The following NAA25 variants were observed in gnomAD, a reference collection of about 807,000 sequenced individuals.
The protein encoded by NAA25 is N-terminal acetyltransferase B complex subunit NAA25.
Under a neutral mutation model 132.5 loss-of-function variants are expected in NAA25, and 30 were observed. The ratio of observed to expected loss-of-function variants is 0.23; its 90% CI spans 0.17 to 0.31. The LOEUF is 0.31. NAA25 is among the 10% of genes least tolerant of loss of function. The pLI is 1.00. For synonymous variants in NAA25, 359 were observed against 401.9 expected (o/e 0.89, Z 1.28); for missense variants, 771 against 1,150.4 (o/e 0.67, Z 4.77).
Position 112,086,594 on chromosome 12 carries a change from A to T in NAA25, c.402+1089T>A, listed in dbSNP as rs77529687. ...AAGAAAGAGTTTATATTAATATAGT[A>T]TCTGCCACCCTGCCCAAATTATCTA... On this transcript the variant is annotated intron_variant, in intron 4 of 23. Transcript: ENST00000261745. 3.8e-3 allele frequency among the ~76,000 whole-genome samples: 579 copies of T among 152,344 alleles called. 5 individuals carry two copies. The highest frequency in any genetic ancestry group is 0.014 in the African/African-American group (562 of 41,586).
chr12:112,052,514 T>C (rs1484004093), intron 15 of NAA25, among the ~76,000 whole-genome samples: 1 of 152,180 alleles, frequency 6.6e-6, no homozygotes, highest in East Asian at 1.9e-4. Context: ...CTTAGAGCTG[T>C]CCTTTGCTAC....
intron 1 of NAA25, among the ~76,000 whole-genome samples, chr12:112,098,763 CTCTT>C (rs1303349732): frequency 2.8e-4 from 42 of 152,198 alleles, no homozygotes; most frequent in East Asian, 1.5e-3. Flanking sequence ...AAAAGTCAAT[CTCTT>C]TCTTTCTTTT....
At chr12:112,036,668 G>A (rs2078226976) in intron 22 of NAA25, among the ~76,000 whole-genome samples, 1 of 152,066 alleles carries the variant, frequency 6.6e-6, no homozygotes, top group South Asian at 2.1e-4. Flanking sequence ...GGGCAACATG[G>A]CAAAACCTCA....
intron 4 of NAA25, among the ~76,000 whole-genome samples, chr12:112,082,037 G>C (rs2078979769): frequency 6.6e-6 from 1 of 152,152 alleles, no homozygotes; most frequent in Non-Finnish European, 1.5e-5. Flanking sequence ...GATCATCTGA[G>C]GTCAGGAGTT....
intron 22 of NAA25, among the ~76,000 whole-genome samples, chr12:112,037,299 T>A (rs1290431494): frequency 1.6e-5 from 2 of 121,806 alleles, no homozygotes; most frequent in Non-Finnish European, 3.6e-5. Context: ...TATATATATA[T>A]ATATATATAT....
chr12:112,069,757 T>G (rs11066144), intron 10 of NAA25, among the ~76,000 whole-genome samples: 1 of 150,736 alleles, frequency 6.6e-6, no homozygotes, highest in Admixed American at 6.6e-5. Context: ...GAGGCGGAAG[T>G]TGCAGTGAGC....
At position 112,108,641 on chromosome 12, in the gene NAA25, C is replaced by A. The variant is rs908319141; in HGVS notation, c.58+75G>T. 3.7e-6 allele frequency: 5 copies of A among 1,345,308 alleles called. No individual in the cohort carries two copies. The South Asian group carries it at 7.0e-5, about 19-fold the overall frequency. 83.3% of individuals were successfully genotyped at this position (1,345,308 alleles called of 1,614,324 possible). ...GCCCGCGCGCCGGCCCTCAGCACCC[C>A]TCCTGGGCTTTCGCCCCAGCCTCGG... On this transcript the variant is annotated intron_variant, in intron 1 of 23. Coordinates refer to ENST00000261745, the MANE Select transcript of NAA25 (RefSeq NM_024953.4).
Position 112,029,508 on chromosome 12 carries a change from C to T in NAA25, c.*23G>A. ...GTGTCATATTCTGTTGCAGAGTCAT[C>T]AGTGCCCATGATAGATACTTCCTTA... is the stretch of plus-strand genomic sequence containing the variant. On this transcript the variant is annotated 3_prime_UTR_variant, in exon 24 of 24. Transcript: ENST00000261745. The T allele has an allele frequency of 1.2e-6, 2 of 1,613,752 alleles. No individual in the cohort carries two copies. Among genetic ancestry groups the T allele is most frequent in the African/African-American group, 2.7e-5 (2 of 75,036 alleles).
chr12:112,079,131 T>A (rs943181492), intron 5 of NAA25, among the ~76,000 whole-genome samples: 1 of 152,184 alleles, frequency 6.6e-6, no homozygotes, highest in African/African-American at 2.4e-5. Flanking sequence ...AAATGCCAAT[T>A]CCTTTCATTA....
intron 5 of NAA25, among the ~76,000 whole-genome samples, chr12:112,080,750 T>C (rs999602985): frequency 2.0e-5 from 3 of 151,974 alleles, no homozygotes; most frequent in African/African-American, 4.8e-5. Context: ...CCACCCACCT[T>C]GGCCTCCCAA....
At chr12:112,108,396 T>C (rs2079396334) in intron 1 of NAA25, among the ~76,000 whole-genome samples, 1 of 152,222 alleles carries the variant, frequency 6.6e-6, no homozygotes, top group Non-Finnish European at 1.5e-5. Flanking sequence ...ATCTCCGGTC[T>C]CCCTAGGAGC....
At chr12:112,078,533 G>T in intron 6 of NAA25, 101 bp downstream of exon 6, 2 of 1,085,940 alleles carry the variant, frequency 1.8e-6, no homozygotes, top group Admixed American at 2.2e-5. Flanking sequence ...TGAGGACCCA[G>T]CTATCAAACT....
chr12:112,065,416 T>C (rs1313797881), intron 11 of NAA25: 1 of 151,978 alleles, frequency 6.6e-6, no homozygotes, highest in Non-Finnish European at 1.5e-5. Flanking sequence ...AGGTTCTCTC[T>C]TGAACCCGAG....
intron 3 of NAA25, among the ~76,000 whole-genome samples, chr12:112,088,528 G>A (rs1407034281): frequency 6.6e-6 from 1 of 151,318 alleles, no homozygotes; most frequent in African/African-American, 2.4e-5. Flanking sequence ...ATGTTGCCCA[G>A]GCTGTACTAT....
chr12:112,099,287 C>CTTT (rs375795490), intron 1 of NAA25, among the ~76,000 whole-genome samples: 3 of 147,232 alleles, frequency 2.0e-5, no homozygotes, highest in African/African-American at 7.4e-5. Flanking sequence ...CGCACTCGGC[C>CTTT]TTTTTTTTTT....
intron 2 of NAA25, 87 bp from the exon 3 acceptor site, chr12:112,090,951 T>A: frequency 7.6e-7 from 1 of 1,313,808 alleles, no homozygotes; most frequent in Non-Finnish European, 1.1e-6. Context: ...GAACAAGTAT[T>A]AAGTTATGCC....
rs1052809904 is a variant in NAA25 at position 112,039,146 on chromosome 12, T to C, written c.2649+83A>G. On this transcript the variant is annotated intron_variant, in intron 22 of 23. Coordinates refer to ENST00000261745, the MANE Select transcript of NAA25 (RefSeq NM_024953.4). ...GCTTGGCATATAGGATCCTAAGGAC[T>C]CAACATGGAGGAAAACAGTGAAAAG... is the stretch of plus-strand genomic sequence containing the variant. 8.6e-6 allele frequency: 7 copies of C among 814,282 alleles called. No individual in the cohort carries two copies. In the South Asian group the frequency reaches 1.3e-4, roughly 15 times the overall value. The allele number at this position is 814,282 out of a possible 1,614,324, so 50.4% of individuals were successfully genotyped here.
chr12:112,071,273 G>T (rs555454860), intron 10 of NAA25, among the ~76,000 whole-genome samples: 12 of 152,282 alleles, frequency 7.9e-5, no homozygotes, highest in African/African-American at 2.9e-4. Flanking sequence ...CGCCCACCTC[G>T]GCCTCCCAAA....
intron 11 of NAA25, among the ~76,000 whole-genome samples, chr12:112,063,695 C>T (rs1039517154): frequency 6.6e-6 from 1 of 152,170 alleles, no homozygotes; most frequent in Non-Finnish European, 1.5e-5. Context: ...AACAACTAAT[C>T]ACCTTACACA....
Sources: allele counts gnomAD v4.1 joint callset (sites outside exome capture counted in the v4.1 genomes callset), GRCh38; gene constraint gnomAD v4.1.1; transcripts MANE v1.5; gene names NCBI Gene and HGNC (gene_info 2026-07-23, HGNC 2026-07-21).